The following UBE2V1 variants were observed in gnomAD, a reference collection of about 807,000 sequenced individuals.
UBE2V1 encodes the protein ubiquitin-conjugating enzyme E2 variant 1.
In UBE2V1, 15 loss-of-function variants were observed where a neutral mutation model predicts 19.6. That is an observed-to-expected ratio of 0.77 (90% CI 0.51 to 1.18). The LOEUF is 1.18. Ranked by LOEUF, UBE2V1 falls within the 50% of genes most tolerant of loss-of-function variation. UBE2V1 has a pLI of 0.00. For synonymous variants in UBE2V1, 60 were observed against 60.7 expected (o/e 0.99, Z 0.05); for missense variants, 125 against 184.8 (o/e 0.68, Z 1.88).
chr20:50,084,891 C>T (rs1049887578), intron 2 of UBE2V1: 82 of 109,684 alleles, frequency 7.5e-4, no homozygotes, highest in Admixed American at 1.4e-3. Flanking sequence ...GAAAAGCAGT[C>T]TTTTTTTTTT....
intron 2 of UBE2V1, among the ~76,000 whole-genome samples, chr20:50,087,927 A>G (rs552090501): frequency 5.9e-5 from 9 of 152,158 alleles, no homozygotes; most frequent in Non-Finnish European, 1.3e-4. Flanking sequence ...TAGACGATAC[A>G]TTGTAGGATA....
rs201762279 is a variant in UBE2V1 at position 50,096,896 on chromosome 20, A to C, written c.23-76T>G. The C allele has an allele frequency of 2.3e-4, 370 of 1,582,460 alleles. 3 individuals are homozygous for C. In the African/African-American group the frequency reaches 4.3e-3, roughly 19 times the overall value. On this transcript the variant is annotated intron_variant, in intron 1 of 3. Transcript: ENST00000371674. ...GTAAGCCTAGAGCTAGCTGCTCATT[A>C]TCTCTCCCTGGGAATCAAGATGCTA...
intron 2 of UBE2V1, among the ~76,000 whole-genome samples, chr20:50,088,282 C>A (rs186635998): frequency 6.6e-6 from 1 of 151,732 alleles, no homozygotes; most frequent in Non-Finnish European, 1.5e-5. Flanking sequence ...GATTCTGGAA[C>A]AAAAAACAGA....
Position 50,082,921 on chromosome 20 carries a change from C to CA in UBE2V1, c.298-8dup. On this transcript the variant is annotated splice_region_variant and splice_polypyrimidine_tract_variant and intron_variant, in intron 3 of 3. Coordinates refer to ENST00000371674, the MANE Select transcript of UBE2V1 (RefSeq NM_001032288.3). ...ATATGGCTCTTGGGTCCACCTACAA[C>CA]AAGGCAAACAAAAGCAAATTACTCT... 6.2e-7 allele frequency: 1 copy of CA among 1,601,892 alleles called. No individual in the cohort carries two copies.
chr20:50,099,599 T>C (rs2079855517), intron 1 of UBE2V1, among the ~76,000 whole-genome samples: 1 of 152,170 alleles, frequency 6.6e-6, no homozygotes. Context: ...CGCAAGGACC[T>C]ACCCAGGGCC....
At chr20:50,091,126 A>T (rs2147022611) in intron 2 of UBE2V1, among the ~76,000 whole-genome samples, 1 of 152,196 alleles carries the variant, frequency 6.6e-6, no homozygotes, top group South Asian at 2.1e-4. Context: ...GGCCCACTGA[A>T]ACCTCTGCCT....
upstream of UBE2V1, chr20:50,115,941 G>A (rs955351876): frequency 1.8e-5 from 3 of 165,898 alleles, no homozygotes; most frequent in African/African-American, 7.1e-5. Flanking sequence ...GCTCATCGCA[G>A]GAAGAGGTTA....
At chr20:50,103,165 T>A (rs1040325798) in intron 1 of UBE2V1, among the ~76,000 whole-genome samples, 9 of 152,220 alleles carry the variant, frequency 5.9e-5, no homozygotes, top group Non-Finnish European at 1.0e-4. Flanking sequence ...CACTGCTGAA[T>A]CTCCAATGTG....
At chr20:50,085,136 C>T (rs549102711) in intron 2 of UBE2V1, among the ~76,000 whole-genome samples, 146 of 152,106 alleles carry the variant, frequency 9.6e-4, no homozygotes, top group Non-Finnish European at 1.8e-3. Flanking sequence ...CTGATCTGCC[C>T]TCTTCGGCCT....
chr20:50,109,005 A>G (rs958603258), intron 1 of UBE2V1: 5 of 985,336 alleles, frequency 5.1e-6, no homozygotes, highest in Non-Finnish European at 2.4e-6. Flanking sequence ...GTGAGGGAAC[A>G]GGAGTTAAAA....
chr20:50,084,618 A>G, intron 2 of UBE2V1: 1 of 455,760 alleles, frequency 2.2e-6, no homozygotes, highest in South Asian at 1.6e-5. Flanking sequence ...TCCACTCACC[A>G]GGATCATCAG....
chr20:50,084,805 C>T (rs1228619028), intron 2 of UBE2V1: 16 of 272,708 alleles, frequency 5.9e-5, no homozygotes, highest in Admixed American at 9.6e-5. Flanking sequence ...TTCCATCCCT[C>T]CCTGCAGTCT....
chr20:50,086,627 G>C (rs934406694), intron 2 of UBE2V1, among the ~76,000 whole-genome samples: 2 of 152,120 alleles, frequency 1.3e-5, no homozygotes, highest in African/African-American at 4.8e-5. Context: ...CAAAAATCAT[G>C]CTCCCTGGTT....
chr20:50,115,578 G>A, upstream of UBE2V1: 1 of 1,538,060 alleles, frequency 6.5e-7, no homozygotes, highest in Non-Finnish European at 8.8e-7. Context: ...CCTGGCATCA[G>A]TTTCCCCTTC....
chr20:50,109,291 T>G (rs2080589901), intron 1 of UBE2V1, among the ~76,000 whole-genome samples: 2 of 152,222 alleles, frequency 1.3e-5, no homozygotes, highest in Non-Finnish European at 2.9e-5. Context: ...ATATTTTGTA[T>G]TCTACTTTTA....
intron 2 of UBE2V1, chr20:50,094,872 C>T (rs2079532555): frequency 6.6e-6 from 1 of 152,090 alleles, no homozygotes; most frequent in African/African-American, 2.4e-5. Flanking sequence ...GAATTCTATC[C>T]CAATAAAGCT....
intron 2 of UBE2V1, among the ~76,000 whole-genome samples, chr20:50,093,944 C>T (rs1161889429): frequency 9.2e-5 from 12 of 130,260 alleles, no homozygotes; most frequent in Admixed American, 7.3e-4. Context: ...GCCGAGATTG[C>T]GCCACTGCAC....
chr20:50,099,003 A>G (rs767630834), intron 1 of UBE2V1: 14 of 982,058 alleles, frequency 1.4e-5, no homozygotes, highest in Non-Finnish European at 1.7e-5. Flanking sequence ...TGGTGACATT[A>G]TAGGCAAAAA....
At chr20:50,085,288 C>A (rs973596100) in intron 2 of UBE2V1, among the ~76,000 whole-genome samples, 1 of 152,108 alleles carries the variant, frequency 6.6e-6, no homozygotes, top group African/African-American at 2.4e-5. Context: ...TACCATCTAC[C>A]CCATAAGCAG....
Sources: allele counts gnomAD v4.1 joint callset (sites outside exome capture counted in the v4.1 genomes callset), GRCh38; gene constraint gnomAD v4.1.1; transcripts MANE v1.5; gene names NCBI Gene and HGNC (gene_info 2026-07-23, HGNC 2026-07-21).